Variants in FHIT observed in about 807,000 individuals in gnomAD.
FHIT encodes the protein bis(5'-adenosyl)-triphosphatase.
Under a neutral mutation model 17.9 loss-of-function variants are expected in FHIT, and 19 were observed. The observed-to-expected ratio is 1.06, with a 90% CI of 0.74 to 1.56. The LOEUF (loss-of-function observed/expected upper bound fraction) is 1.56, where lower values mean the gene tolerates loss of function less well. FHIT is among the 40% of genes most tolerant of loss of function. The pLI is 0.00. For missense variants in FHIT, 248 were observed against 189.2 expected (o/e 1.31, Z -1.82); for synonymous variants, 81 against 69.7 (o/e 1.16, Z -0.81).
chr3:60,872,373 A>G (rs1704451018), intron 3 of FHIT, among the ~76,000 whole-genome samples: 1 of 152,152 alleles, frequency 6.6e-6, no homozygotes, highest in Non-Finnish European at 1.5e-5. Context: ...TCCAATAAAT[A>G]CGTACTTTCT....
chr3:59,843,619 C>T (rs763389239), intron 8 of FHIT, among the ~76,000 whole-genome samples: 57 of 152,172 alleles, frequency 3.7e-4, no homozygotes, highest in Middle Eastern at 3.2e-3. Flanking sequence ...AAGTTTTTCA[C>T]TTCTTTGGTT....
intron 8 of FHIT, among the ~76,000 whole-genome samples, chr3:59,803,564 T>C (rs903546811): frequency 6.6e-6 from 1 of 152,204 alleles, no homozygotes; most frequent in African/African-American, 2.4e-5. Context: ...TGAACAAAGG[T>C]GGAAAGATGT....
chr3:60,196,060 A>G (rs912382186), intron 5 of FHIT, among the ~76,000 whole-genome samples: 3 of 152,166 alleles, frequency 2.0e-5, no homozygotes, highest in African/African-American at 7.2e-5. Context: ...TGAAAGTGAT[A>G]CAGTTTTAAT....
At chr3:60,579,471 A>G (rs2037684029) in intron 4 of FHIT, among the ~76,000 whole-genome samples, 1 of 152,178 alleles carries the variant, frequency 6.6e-6, no homozygotes, top group Admixed American at 6.5e-5. Context: ...GATCATAAAA[A>G]TAAAGTGTAT....
At chr3:61,174,949 A>C (rs1214081875) in intron 2 of FHIT, among the ~76,000 whole-genome samples, 1 of 152,162 alleles carries the variant, frequency 6.6e-6, no homozygotes, top group Non-Finnish European at 1.5e-5. Flanking sequence ...AATGGCATGC[A>C]ATGATCTCGA....
intron 3 of FHIT, among the ~76,000 whole-genome samples, chr3:60,968,146 C>T (rs1200791398): frequency 6.6e-6 from 1 of 152,212 alleles, no homozygotes; most frequent in Non-Finnish European, 1.5e-5. Flanking sequence ...TGTGTTTCTC[C>T]TCACACCTTT....
At chr3:59,757,372 T>G (rs937456411) in intron 8 of FHIT, among the ~76,000 whole-genome samples, 4 of 152,122 alleles carry the variant, frequency 2.6e-5, no homozygotes, top group Non-Finnish European at 5.9e-5. Context: ...TAGAAATGGT[T>G]TTTGGGGAAG....
chr3:60,726,786 G>T (rs1487457836), intron 4 of FHIT, among the ~76,000 whole-genome samples: 1 of 152,132 alleles, frequency 6.6e-6, no homozygotes, highest in African/African-American at 2.4e-5. Context: ...AAGAGGAAAA[G>T]GATGTGTAAA....
At chr3:60,543,023 C>A (rs932746666) in intron 4 of FHIT, among the ~76,000 whole-genome samples, 1 of 152,114 alleles carries the variant, frequency 6.6e-6, no homozygotes, top group Admixed American at 6.6e-5. Context: ...CCCATATATA[C>A]ACAGGAATAA....
intron 8 of FHIT, among the ~76,000 whole-genome samples, chr3:59,895,104 T>C (rs926531466): frequency 2.6e-5 from 4 of 152,200 alleles, no homozygotes; most frequent in Non-Finnish European, 1.5e-5. Context: ...TTCTGGCATC[T>C]AGTGGGTAGA....
chr3:59,961,707 C>T (rs1006112491), intron 7 of FHIT, among the ~76,000 whole-genome samples: 4 of 152,264 alleles, frequency 2.6e-5, no homozygotes, highest in African/African-American at 9.6e-5. Flanking sequence ...GAGGCGACAC[C>T]CCACCCTGCT....
At chr3:60,810,829 G>A (rs1183027981) in intron 4 of FHIT, among the ~76,000 whole-genome samples, 1 of 152,212 alleles carries the variant, frequency 6.6e-6, no homozygotes, top group Non-Finnish European at 1.5e-5. Context: ...TTCTAACCCA[G>A]TATGTGCTGG....
chr3:61,197,440 CAGT>C (rs1319748173), intron 2 of FHIT, among the ~76,000 whole-genome samples: 2 of 152,170 alleles, frequency 1.3e-5, no homozygotes, highest in South Asian at 2.1e-4. Flanking sequence ...TATTTATTCA[CAGT>C]AGGAGTGCAA....
intron 3 of FHIT, among the ~76,000 whole-genome samples, chr3:60,831,546 A>G (rs569065787): frequency 6.6e-6 from 1 of 152,152 alleles, no homozygotes; most frequent in Non-Finnish European, 1.5e-5. Flanking sequence ...GCACTGAATA[A>G]AAAGACCTGC....
chr3:60,132,883 C>T (rs905208394), intron 5 of FHIT, among the ~76,000 whole-genome samples: 1 of 152,166 alleles, frequency 6.6e-6, no homozygotes, highest in Non-Finnish European at 1.5e-5. Flanking sequence ...CCTTTTATCA[C>T]ATTTGAGTGA....
chr3:60,588,557 T>C (rs1416706890), intron 4 of FHIT, among the ~76,000 whole-genome samples: 2 of 151,670 alleles, frequency 1.3e-5, no homozygotes, highest in East Asian at 3.9e-4. Context: ...AGGCTGGGGG[T>C]CCCTGAGCCC....
At chr3:59,774,490 T>C (rs1324277238) in intron 8 of FHIT, among the ~76,000 whole-genome samples, 3 of 152,214 alleles carry the variant, frequency 2.0e-5, no homozygotes, top group Non-Finnish European at 4.4e-5. Flanking sequence ...AAACAGAAGA[T>C]GAGCATACAT....
intron 5 of FHIT, among the ~76,000 whole-genome samples, chr3:60,476,370 C>T (rs923876046): frequency 1.3e-5 from 2 of 152,096 alleles, no homozygotes; most frequent in Non-Finnish European, 2.9e-5. Context: ...GGGGAATAAA[C>T]GCAAACGTCC....
intron 1 of FHIT, among the ~76,000 whole-genome samples, chr3:61,250,849 T>A (rs2040605978): frequency 6.6e-6 from 1 of 152,204 alleles, no homozygotes; most frequent in Admixed American, 6.5e-5. Flanking sequence ...TTCTCTATAC[T>A]CCGGTTTGCT....
Sources: allele counts gnomAD v4.1 joint callset (sites outside exome capture counted in the v4.1 genomes callset), GRCh38; gene constraint gnomAD v4.1.1; transcripts MANE v1.5; gene names NCBI Gene and HGNC (gene_info 2026-07-23, HGNC 2026-07-21).